PAFAH1B1: variants seen among roughly 807,000 people sequenced by gnomAD.
PAFAH1B1 encodes platelet activating factor acetylhydrolase 1b regulatory subunit 1, also known as platelet-activating factor acetylhydrolase IB subunit beta.
Under a neutral mutation model 57.5 loss-of-function variants are expected in PAFAH1B1, and 2 were observed. The ratio of observed to expected loss-of-function variants is 0.03; its 90% CI spans 0.01 to 0.11. The LOEUF is 0.11. PAFAH1B1 is among the 10% of genes least tolerant of loss of function. PAFAH1B1 has a pLI of 1.00. For synonymous variants in PAFAH1B1, 152 were observed against 169.6 expected (o/e 0.90, Z 0.81); for missense variants, 257 against 512.0 (o/e 0.50, Z 4.81).
chr17:2,664,754 A>G (rs2069081311), intron 2 of PAFAH1B1, among the ~76,000 whole-genome samples: 1 of 151,172 alleles, frequency 6.6e-6, no homozygotes, highest in South Asian at 2.1e-4. Flanking sequence ...TATAAAGGGT[A>G]CTCAAACTGT....
intron 2 of PAFAH1B1, among the ~76,000 whole-genome samples, chr17:2,655,746 AGCCTTGTTACAAT>A (rs1567549576): frequency 6.6e-6 from 1 of 152,060 alleles, no homozygotes; most frequent in Non-Finnish European, 1.5e-5. Flanking sequence ...ACCACCCTCC[AGCCTTGTTACAAT>A]GTCGTCACAT....
intron 1 of PAFAH1B1, among the ~76,000 whole-genome samples, chr17:2,614,790 G>A (rs1037578533): frequency 3.3e-5 from 5 of 151,494 alleles, no homozygotes; most frequent in South Asian, 2.1e-4. Flanking sequence ...GTCTTGCTGC[G>A]TTGCCCAGGC....
chr17:2,593,671 CG>C lies in PAFAH1B1; in HGVS notation c.-522del. The C allele has an allele frequency of 3.5e-6, 1 of 282,958 alleles. No individual in the cohort carries two copies. Among genetic ancestry groups the C allele is most frequent in the Non-Finnish European group, 6.3e-6 (1 of 158,096 alleles). 17.5% of individuals were successfully genotyped at this position (282,958 alleles called of 1,614,324 possible). ...CCTGTGACAGACGGAGCTGGAGCGGCGGGGCGGCGGCGGAGTCCGGCGGCCG... is the reference window on the plus strand; with the variant it reads ...CCTGTGACAGACGGAGCTGGAGCGGCGGGCGGCGGCGGAGTCCGGCGGCCG... On this transcript the variant is annotated 5_prime_UTR_variant, in exon 1 of 11. Coordinates refer to ENST00000397195, the MANE Select transcript of PAFAH1B1 (RefSeq NM_000430.4).
intron 6 of PAFAH1B1, among the ~76,000 whole-genome samples, chr17:2,671,217 T>G (rs1002123986): frequency 6.7e-6 from 1 of 148,458 alleles, no homozygotes. Flanking sequence ...TTTTTGGTTG[T>G]TTTTTTTTTG....
Position 2,672,719 on chromosome 17 carries a change from A to C in PAFAH1B1, c.633A>C (p.Ser211=), listed in dbSNP as rs748622322. ...MPNGDHIVSA[S]RDKTIKMWEV... ...ATGGAGATCATATAGTGTCTGCCTC[A>C]AGGGATAAAACTATAAAAATGTGGG... is the stretch of plus-strand genomic sequence containing the variant. Residue 211 remains serine, a synonymous_variant, in exon 7 of 11, where the codon TCA becomes TCC. Transcript: ENST00000397195. 6.2e-7 allele frequency: 1 copy of C among 1,613,264 alleles called. No homozygotes were observed.
chr17:2,608,622 T>G (rs2068232073), intron 1 of PAFAH1B1, among the ~76,000 whole-genome samples: 1 of 152,172 alleles, frequency 6.6e-6, no homozygotes, highest in African/African-American at 2.4e-5. Flanking sequence ...GGCAACATAG[T>G]GAGACCCTGT....
chr17:2,654,849 C>T (rs1322582602), intron 2 of PAFAH1B1, among the ~76,000 whole-genome samples: 1 of 151,470 alleles, frequency 6.6e-6, no homozygotes, highest in Non-Finnish European at 1.5e-5. Context: ...GCCATGTTGC[C>T]CAGGCTGGTC....
intron 1 of PAFAH1B1, among the ~76,000 whole-genome samples, chr17:2,601,173 C>T (rs974438257): frequency 2.0e-5 from 3 of 151,768 alleles, no homozygotes; most frequent in Non-Finnish European, 2.9e-5. Flanking sequence ...TCGTTCTTGT[C>T]GCCCAGGCTG....
chr17:2,664,694 T>TCTC (rs1567554200), intron 2 of PAFAH1B1, among the ~76,000 whole-genome samples: 1,914 of 114,486 alleles, frequency 0.017, 45 homozygotes, highest in South Asian at 0.038. Context: ...CTCTCTCTCT[T>TCTC]TCTCTCTCCA....
At chr17:2,655,816 C>T (rs1441229019) in intron 2 of PAFAH1B1, among the ~76,000 whole-genome samples, 1 of 151,830 alleles carries the variant, frequency 6.6e-6, no homozygotes, top group Admixed American at 6.6e-5. Context: ...GAAAGCAGTG[C>T]CACAAATACA....
chr17:2,673,772 C>A, intron 7 of PAFAH1B1: 1 of 401,906 alleles, frequency 2.5e-6, no homozygotes. Context: ...TAGAGCATAG[C>A]TTTTTTCCAA....
rs1389070949 is a variant in PAFAH1B1, at chr17:2,667,142, A to G, written c.343A>G (p.Ile115Val). The change falls in exon 5 of 11, where the codon ATT becomes GTT. Residue 115 changes from isoleucine (I) to valine (V), a missense_variant. By Grantham distance (29) the Ile-to-Val change is conservative (BLOSUM62 3). Coordinates refer to ENST00000397195, the MANE Select transcript of PAFAH1B1 (RefSeq NM_000430.4). ...TCACAGGAGTCCAGTCACTCGAGTC[A>G]TTTTCCATCCTGTGTTCAGTGTTAT... ...SGHRSPVTRV[I>V]FHPVFSVMVS... The G allele has an allele frequency of 1.2e-5, 20 of 1,613,876 alleles. No homozygotes were observed. The highest frequency in any genetic ancestry group is 1.7e-5 in the Non-Finnish European group (20 of 1,179,812).
In PAFAH1B1 at chr17:2,655,183, A is replaced by ATGTGTGTGTG. The variant is rs34493806; in HGVS notation, c.33-10165_33-10156dup. Among the ~76,000 whole-genome samples the ATGTGTGTGTG allele has an allele frequency of 7.1e-3, 1,021 of 143,922 alleles. 5 individuals are homozygous for ATGTGTGTGTG. The highest frequency in any genetic ancestry group is 0.012 in the African/African-American group (469 of 38,834). The allele number at this position is 143,922 out of a possible 152,430, so 94.4% of individuals were successfully genotyped here. A position where few individuals can be genotyped will look rare whatever the true frequency, so the allele number is the denominator to read the frequency against. On this transcript the variant is annotated intron_variant, in intron 2 of 10. Transcript: ENST00000397195. ...ATTTAAAAAATATATATATACATAT[A>ATGTGTGTGTG]TGTGTGTGTGTGTGTGTGTGTGTGT...
intron 1 of PAFAH1B1, among the ~76,000 whole-genome samples, chr17:2,630,907 AAAT>A (rs1171534474): frequency 6.6e-6 from 1 of 152,158 alleles, no homozygotes; most frequent in Non-Finnish European, 1.5e-5. Flanking sequence ...AGATTGTTAA[AAAT>A]AGTACATCCA....
intron 1 of PAFAH1B1, chr17:2,613,437 C>A: frequency 4.1e-6 from 1 of 242,596 alleles, no homozygotes. Context: ...GTGCTGAGTT[C>A]CCTCTCTGGG....
chr17:2,608,250 A>G (rs1420685388), intron 1 of PAFAH1B1, among the ~76,000 whole-genome samples: 3 of 151,978 alleles, frequency 2.0e-5, no homozygotes, highest in South Asian at 2.1e-4. Flanking sequence ...ATGCTCGGCT[A>G]ATTTTTGTAT....
intron 1 of PAFAH1B1, chr17:2,613,503 A>G: frequency 4.0e-6 from 1 of 249,916 alleles, no homozygotes. Context: ...GCCATGTAGA[A>G]GATGTGGCCC....
At chr17:2,600,249 T>C (rs537714814) in intron 1 of PAFAH1B1, among the ~76,000 whole-genome samples, 11 of 150,518 alleles carry the variant, frequency 7.3e-5, no homozygotes, top group African/African-American at 2.4e-4. Flanking sequence ...CCCAGCCCAA[T>C]CCATTTTTAA....
chr17:2,629,844 TTTTCTC>T (rs1454424672), intron 1 of PAFAH1B1, among the ~76,000 whole-genome samples: 2 of 152,206 alleles, frequency 1.3e-5, no homozygotes, highest in African/African-American at 4.8e-5. Context: ...ACGTCCCTCT[TTTTCTC>T]TTTTAACCGC....
Sources: allele counts gnomAD v4.1 joint callset (sites outside exome capture counted in the v4.1 genomes callset), GRCh38; gene constraint gnomAD v4.1.1; transcripts MANE v1.5; gene names NCBI Gene and HGNC (gene_info 2026-07-23, HGNC 2026-07-21).